Variants in RORA observed in about 807,000 individuals in gnomAD.
RORA encodes nuclear receptor ROR-alpha.
Under a neutral mutation model 69.5 loss-of-function variants are expected in RORA, and 7 were observed. That is an observed-to-expected ratio of 0.10 (90% CI 0.06 to 0.19). RORA has a LOEUF of 0.19. Among genes scored for constraint, RORA ranks in the 10% least tolerant of loss-of-function variants. The pLI, the probability that RORA is intolerant of heterozygous loss-of-function variation, is 1.00. For missense variants in RORA, 457 were observed against 663.0 expected, an observed-to-expected ratio of 0.69 and a Z score of 3.41; for synonymous variants, 261 against 240.8, an observed-to-expected ratio of 1.08 and a Z score of -0.78.
chr15:61,089,344 T>G (rs1456687365), intron 1 of RORA, among the ~76,000 whole-genome samples: 1 of 152,222 alleles, frequency 6.6e-6, no homozygotes, highest in Non-Finnish European at 1.5e-5. Flanking sequence ...AACAGAGACC[T>G]TGCTAACTTG....
At chr15:60,641,599 C>T (rs552431560) in intron 2 of RORA, among the ~76,000 whole-genome samples, 2 of 151,524 alleles carry the variant, frequency 1.3e-5, no homozygotes, top group South Asian at 2.1e-4. Context: ...TTAGTAGAGA[C>T]GGGGTTTCAC....
chr15:61,122,337 TG>T (rs2079111528), intron 1 of RORA, among the ~76,000 whole-genome samples: 1 of 152,206 alleles, frequency 6.6e-6, no homozygotes, highest in East Asian at 1.9e-4. Flanking sequence ...GGGGCAGTTT[TG>T]GAAAACTGCA....
chr15:60,876,735 T>C (rs1019492594), intron 1 of RORA, among the ~76,000 whole-genome samples: 3 of 152,200 alleles, frequency 2.0e-5, no homozygotes, highest in African/African-American at 7.2e-5. Flanking sequence ...TACAGGTGTA[T>C]GGGACATCTT....
intron 2 of RORA, among the ~76,000 whole-genome samples, chr15:60,583,309 T>G (rs994209839): frequency 6.6e-6 from 1 of 152,226 alleles, no homozygotes. Context: ...AGAAAGGCCA[T>G]GTGCTAAACA....
At chr15:60,986,819 C>T (rs1052508770) in intron 1 of RORA, among the ~76,000 whole-genome samples, 3 of 152,216 alleles carry the variant, frequency 2.0e-5, no homozygotes, top group African/African-American at 7.2e-5. Context: ...GAAGTACGGA[C>T]CAACTTCCAC....
At chr15:61,167,482 ATTTTTTTTTTTTTTTTTTTTTTTTT>A (rs199752865) in intron 1 of RORA, among the ~76,000 whole-genome samples, 54,883 of 134,112 alleles carry the variant, frequency 0.41, 10,683 homozygotes, top group African/African-American at 0.46. Flanking sequence ...TTTGACCAGG[ATTTTTTTTTTTTTTTTTTTTTTTTT>A]TTTTTTTTTT....
At chr15:61,194,053 C>T (rs962910073) in intron 1 of RORA, 5 of 152,202 alleles carry the variant, frequency 3.3e-5, no homozygotes, top group African/African-American at 1.2e-4. Flanking sequence ...AGACTGATAA[C>T]GAATGGCCCG....
chr15:60,601,501 A>G (rs1392462091), intron 2 of RORA, among the ~76,000 whole-genome samples: 1 of 152,216 alleles, frequency 6.6e-6, no homozygotes, highest in African/African-American at 2.4e-5. Flanking sequence ...CAAGGAAACT[A>G]AAAAATACAC....
At chr15:61,079,250 A>G (rs1210130659) in intron 1 of RORA, among the ~76,000 whole-genome samples, 1 of 152,194 alleles carries the variant, frequency 6.6e-6, no homozygotes, top group African/African-American at 2.4e-5. Context: ...GTGCCTTCAA[A>G]TTCTCATATA....
intron 1 of RORA, among the ~76,000 whole-genome samples, chr15:61,175,383 CTAGGGAGTT>C (rs1177314038): frequency 9.2e-5 from 14 of 151,990 alleles, no homozygotes; most frequent in Admixed American, 9.2e-4. Flanking sequence ...GCCAAGGAGA[CTAGGGAGTT>C]CCCTCACCTC....
At chr15:60,952,094 G>A (rs1325418619) in intron 1 of RORA, among the ~76,000 whole-genome samples, 1 of 150,742 alleles carries the variant, frequency 6.6e-6, no homozygotes, top group East Asian at 1.9e-4. Flanking sequence ...TATCCACCAT[G>A]ATCAAGTGGG....
intron 1 of RORA, among the ~76,000 whole-genome samples, chr15:61,192,464 A>T (rs942374191): frequency 1.3e-5 from 2 of 152,154 alleles, no homozygotes; most frequent in Admixed American, 6.5e-5. Flanking sequence ...ACCAACAATG[A>T]CATACCTGCT....
chr15:61,061,405 G>T lies in RORA; in HGVS notation c.166+167648C>A, dbSNP rs936387444. On this transcript the variant is annotated intron_variant, in intron 1 of 10. Transcript: ENST00000335670. The surrounding 1 kb of genome is among the most constrained non-coding windows in gnomAD (Gnocchi z 4.4). ...AATAAATAAATAAATAAATACAAGG[G>T]CATCGCAGGAAGTCCTGATGTCAAG... 4.1e-5 allele frequency among the ~76,000 whole-genome samples: 5 copies of T among 121,754 alleles called. No homozygotes were observed. The highest frequency in any genetic ancestry group is 7.4e-5 in the Non-Finnish European group (4 of 54,116). The allele number at this position is 121,754 out of a possible 152,430, so 79.9% of individuals were successfully genotyped here. A position where few individuals can be genotyped will look rare whatever the true frequency, so the allele number is the denominator to read the frequency against.
chr15:61,178,770 T>C (rs1355591260), intron 1 of RORA, among the ~76,000 whole-genome samples: 1 of 152,054 alleles, frequency 6.6e-6, no homozygotes, highest in Non-Finnish European at 1.5e-5. Flanking sequence ...GAAAATAAGC[T>C]TACATATAAA....
chr15:60,510,542 A>AG (rs1398397893), intron 5 of RORA: 1 of 152,268 alleles, frequency 6.6e-6, no homozygotes, highest in East Asian at 1.9e-4. Flanking sequence ...TGGTAAGTAA[A>AG]GAAGCTGATT....
At chr15:60,584,949 CTTT>C (rs1173786560) in intron 2 of RORA, among the ~76,000 whole-genome samples, 7 of 152,032 alleles carry the variant, frequency 4.6e-5, no homozygotes, top group Admixed American at 2.6e-4. Context: ...TTTTTCCTTG[CTTT>C]TTATTTTTTT....
intron 3 of RORA, among the ~76,000 whole-genome samples, chr15:60,516,159 ATT>A (rs1487978725): frequency 2.7e-4 from 8 of 29,746 alleles, no homozygotes; most frequent in African/African-American, 1.1e-3. Flanking sequence ...ATATATATAT[ATT>A]TATATATATA....
At chr15:60,658,855 A>AAAAGGCACTGTTTCTGTAGTGCCTTTTGG (rs1177598863) in intron 2 of RORA, among the ~76,000 whole-genome samples, 14 of 152,198 alleles carry the variant, frequency 9.2e-5, no homozygotes, top group African/African-American at 2.4e-4. Context: ...TAAAGTAGAA[A>AAAAGGCACTGTTTCTGTAGTGCCTTTTGG]AAAGGCACTG....
intron 2 of RORA, among the ~76,000 whole-genome samples, chr15:60,568,693 G>C (rs1158607554): frequency 6.6e-6 from 1 of 152,206 alleles, no homozygotes; most frequent in African/African-American, 2.4e-5. Flanking sequence ...GAAGGGCCTT[G>C]ACCCAGAGCT....
Sources: gnomAD v4.1 joint callset for allele counts (sites outside exome capture counted in the v4.1 genomes callset) on GRCh38, gnomAD v4.1.1 for gene constraint, Gnocchi (gnomAD v3.1) non-coding constraint, MANE v1.5 for transcripts, NCBI Gene and HGNC (gene_info 2026-07-23, HGNC 2026-07-21) for gene names.